Variants in AKAP6 observed in about 807,000 individuals in gnomAD.
The protein encoded by AKAP6 is A-kinase anchoring protein 6, also known as A-kinase anchor protein 6.
A neutral mutation model predicts 188.5 loss-of-function variants in AKAP6; 58 were observed. The observed-to-expected ratio is 0.31, with a 90% CI of 0.25 to 0.38. The LOEUF is 0.38. Ranked by LOEUF, AKAP6 falls within the 10% of genes least tolerant of loss-of-function variation. AKAP6 has a pLI of 1.00. For missense variants in AKAP6, 2,710 were observed against 2,740.0 expected, an observed-to-expected ratio of 0.99 and a Z score of 0.24; for synonymous variants, 989 against 998.6, an observed-to-expected ratio of 0.99 and a Z score of 0.18.
chr14:32,717,919 C>T (rs1446681543), intron 9 of AKAP6, among the ~76,000 whole-genome samples: 2 of 152,066 alleles, frequency 1.3e-5, no homozygotes, highest in African/African-American at 4.8e-5. Context: ...TGAGCCTACG[C>T]CAAATGAATC....
At chr14:32,365,650 A>G (rs1385982578) in intron 1 of AKAP6, among the ~76,000 whole-genome samples, 1 of 152,152 alleles carries the variant, frequency 6.6e-6, no homozygotes, top group Non-Finnish European at 1.5e-5. Context: ...GTCGACTGTC[A>G]GAAGGGCCTC....
chr14:32,724,989 C>CCAAAAAAAAAAA (rs1286933012), intron 9 of AKAP6, among the ~76,000 whole-genome samples: 1 of 5,502 alleles, frequency 1.8e-4, no homozygotes, highest in Non-Finnish European at 4.5e-4. Context: ...TATATTCAAC[C>CCAAAAAAAAAAA]TAAAAAAAAA....
chr14:32,796,410 C>T (rs1032688528), intron 12 of AKAP6, among the ~76,000 whole-genome samples: 7 of 152,128 alleles, frequency 4.6e-5, no homozygotes, highest in Non-Finnish European at 5.9e-5. Flanking sequence ...AAACAGCATG[C>T]ATGGTACTGG....
At chr14:32,404,444 A>T (rs937750456) in intron 1 of AKAP6, among the ~76,000 whole-genome samples, 1 of 151,492 alleles carries the variant, frequency 6.6e-6, no homozygotes, top group African/African-American at 2.4e-5. Context: ...AGCATTTGAG[A>T]AGGGAGGGTG....
intron 12 of AKAP6, among the ~76,000 whole-genome samples, chr14:32,820,956 G>C (rs951731596): frequency 6.6e-6 from 1 of 151,272 alleles, no homozygotes; most frequent in African/African-American, 2.5e-5. Flanking sequence ...AGGCAAGAAG[G>C]AGTTTGCCAT....
intron 8 of AKAP6, among the ~76,000 whole-genome samples, chr14:32,679,065 A>G (rs1315068550): frequency 6.6e-6 from 1 of 152,180 alleles, no homozygotes; most frequent in Non-Finnish European, 1.5e-5. Flanking sequence ...AACTATTCAT[A>G]CTATTGAACA....
chr14:32,499,902 A>G (rs1880522760), intron 2 of AKAP6, among the ~76,000 whole-genome samples: 1 of 152,074 alleles, frequency 6.6e-6, no homozygotes, highest in African/African-American at 2.4e-5. Context: ...ATTATTAGGA[A>G]TAGAACTTGT....
chr14:32,342,755 C>T (rs717616), intron 1 of AKAP6, among the ~76,000 whole-genome samples: 42,397 of 151,934 alleles, frequency 0.28, 6,763 homozygotes, highest in East Asian at 0.48. Flanking sequence ...TTATCCTAGA[C>T]AGAAAGGGTT....
chr14:32,437,923 GTTAT>G (rs1195768331), intron 2 of AKAP6, among the ~76,000 whole-genome samples: 3 of 152,028 alleles, frequency 2.0e-5, no homozygotes, highest in Non-Finnish European at 2.9e-5. Context: ...ACTAGCTGCA[GTTAT>G]TTATTTATTT....
chr14:32,341,821 G>A (rs1348736024), intron 1 of AKAP6, among the ~76,000 whole-genome samples: 5 of 152,056 alleles, frequency 3.3e-5, no homozygotes, highest in Admixed American at 3.3e-4. Context: ...AGGAGTTCGA[G>A]ACCAGCCTGA....
At chr14:32,813,389 AC>A (rs112729792) in intron 12 of AKAP6, among the ~76,000 whole-genome samples, 1,435 of 65,020 alleles carry the variant, frequency 0.022, 58 homozygotes, top group Middle Eastern at 0.048. Context: ...CTCTAACCCT[AC>A]CCCCCCCCCC....
At chr14:32,396,292 C>A (rs1184064172) in intron 1 of AKAP6, among the ~76,000 whole-genome samples, 1 of 152,122 alleles carries the variant, frequency 6.6e-6, no homozygotes, top group Non-Finnish European at 1.5e-5. Context: ...GCTTTCACTG[C>A]CATGTCAAGA....
At chr14:32,332,778 A>G (rs1025370483) in intron 1 of AKAP6, among the ~76,000 whole-genome samples, 2 of 152,154 alleles carry the variant, frequency 1.3e-5, no homozygotes, top group African/African-American at 4.8e-5. Context: ...TCTTAGGTTA[A>G]GAAGATAGAG....
intron 9 of AKAP6, chr14:32,726,087 C>T (rs1405903883): frequency 5.5e-6 from 4 of 723,690 alleles, no homozygotes; most frequent in Middle Eastern, 7.0e-4. Flanking sequence ...TGGCAATTTC[C>T]AACGACCAGA....
intron 1 of AKAP6, chr14:32,417,983 G>A (rs1216175059): frequency 6.6e-6 from 1 of 152,016 alleles, no homozygotes; most frequent in African/African-American, 2.4e-5. Flanking sequence ...TGAATCATAC[G>A]GAACTATTAA....
At chr14:32,413,718 G>A (rs1263273817) in intron 1 of AKAP6, among the ~76,000 whole-genome samples, 1 of 152,112 alleles carries the variant, frequency 6.6e-6, no homozygotes, top group Non-Finnish European at 1.5e-5. Context: ...AATCCAAGTT[G>A]CAAGAAACAT....
chr14:32,672,953 C>T (rs1403572356), intron 7 of AKAP6, among the ~76,000 whole-genome samples: 6 of 152,144 alleles, frequency 3.9e-5, no homozygotes, highest in East Asian at 3.9e-4. Flanking sequence ...CAATAGCTTC[C>T]GCTGGCACTT....
chr14:32,778,652 G>T (rs2033142879), intron 12 of AKAP6, among the ~76,000 whole-genome samples: 1 of 151,770 alleles, frequency 6.6e-6, no homozygotes, highest in Non-Finnish European at 1.5e-5. Flanking sequence ...GTGCAAGCAG[G>T]TCTCCTGCCT....
intron 4 of AKAP6, among the ~76,000 whole-genome samples, chr14:32,554,421 G>A (rs964747275): frequency 3.3e-5 from 5 of 152,180 alleles, no homozygotes; most frequent in African/African-American, 4.8e-5. Flanking sequence ...ATATGGAAGA[G>A]CTGTTATTGG....
Sources: gnomAD v4.1 joint callset for allele counts (sites outside exome capture counted in the v4.1 genomes callset) on GRCh38, gnomAD v4.1.1 for gene constraint, MANE v1.5 for transcripts, NCBI Gene and HGNC (gene_info 2026-07-23, HGNC 2026-07-21) for gene names.